The following TMEM87B variants were observed in gnomAD, a reference collection of about 807,000 sequenced individuals.
The protein encoded by TMEM87B is transmembrane protein 87B.
A neutral mutation model predicts 80.3 loss-of-function variants in TMEM87B; 83 were observed. The observed-to-expected ratio is 1.03, with a 90% CI of 0.87 to 1.24. The LOEUF is 1.24. TMEM87B is among the 50% of genes most tolerant of loss of function. The pLI, the probability that TMEM87B is intolerant of heterozygous loss-of-function variation, is 0.00. For missense variants in TMEM87B, 625 were observed against 674.4 expected, an observed-to-expected ratio of 0.93 and a Z score of 0.81; for synonymous variants, 219 against 230.5, an observed-to-expected ratio of 0.95 and a Z score of 0.45.
At chr2:112,060,381 A>C (rs62157785) in intron 2 of TMEM87B, among the ~76,000 whole-genome samples, 21,721 of 152,022 alleles carry the variant, frequency 0.14, 1,661 homozygotes, top group South Asian at 0.21. Context: ...TGAAATACTA[A>C]TATATATATA....
intron 6 of TMEM87B, among the ~76,000 whole-genome samples, chr2:112,080,438 T>G (rs1678959689): frequency 6.6e-6 from 1 of 150,552 alleles, no homozygotes; most frequent in Non-Finnish European, 1.5e-5. Flanking sequence ...TTTTTGTATT[T>G]TTAGTAGAGA....
At position 112,116,082 on chromosome 2, in the gene TMEM87B, A is replaced by C; in HGVS notation, c.1609-2A>C. On this transcript the variant is annotated splice_acceptor_variant, in intron 18 of 18. Transcript: ENST00000283206. LOFTEE classifies it high-confidence loss of function. ...ATACATATCTTCTTTTTTTTTCTTC[A>C]GGAAATCATGACCAGATCTGAAATG... 1 of 1,607,912 alleles carries C rather than the reference A, an allele frequency of 6.2e-7. No homozygotes were observed. Among genetic ancestry groups the C allele is most frequent in the Non-Finnish European group, 8.5e-7 (1 of 1,178,280 alleles).
chr2:112,065,555 G>A (rs1316146889), intron 3 of TMEM87B, among the ~76,000 whole-genome samples: 2 of 150,876 alleles, frequency 1.3e-5, no homozygotes, highest in African/African-American at 2.5e-5. Flanking sequence ...TTAGGCCGGA[G>A]GATCCCTTGA....
Position 112,074,932 on chromosome 2 carries a change from C to G in TMEM87B, c.471C>G (p.Ile157Met). The G allele has an allele frequency of 6.3e-7, 1 of 1,578,136 alleles. No individual in the cohort carries two copies. Among genetic ancestry groups the G allele is most frequent in the Non-Finnish European group, 8.6e-7 (1 of 1,158,012 alleles). Residue 157 changes from isoleucine (I) to methionine (M), a missense_variant, in exon 5 of 19, where the codon ATC becomes ATG. Coordinates refer to ENST00000283206, the MANE Select transcript of TMEM87B (RefSeq NM_032824.3). ...PSLNNKELINIRNVSNQERSM... is the reference protein window; with the variant it reads ...PSLNNKELINMRNVSNQERSM... ...TCCAGAATAAAGAACTAATAAATAT[C>G]AGAAATGTTTCAAACCAGGAAAGAT...
chr2:112,081,426 A>G lies in TMEM87B; in HGVS notation c.746A>G (p.Gln249Arg). 6.2e-7 allele frequency: 1 copy of G among 1,614,002 alleles called. No individual in the cohort carries two copies. Among genetic ancestry groups the G allele is most frequent in the Non-Finnish European group, 8.5e-7 (1 of 1,179,980 alleles). ...ACYWKDILRI[Q>R]FWIAAVIFLG... ...TATTGGAAAGATATATTAAGAATCC[A>G]GTTCTGGATTGCAGCTGTTATTTTT... Residue 249 changes from glutamine to arginine, a missense_variant, in exon 8 of 19, where the codon CAG (glutamine) becomes CGG (arginine). Coordinates refer to ENST00000283206, the MANE Select transcript of TMEM87B (RefSeq NM_032824.3).
chr2:112,101,929 A>G (rs575369333), intron 15 of TMEM87B, among the ~76,000 whole-genome samples: 27 of 152,332 alleles, frequency 1.8e-4, no homozygotes, highest in African/African-American at 6.5e-4. Context: ...TGAAAAATAC[A>G]TATAACAACC....
In TMEM87B at chr2:112,077,181, C is replaced by T. The variant is rs758075793; in HGVS notation, c.502-11C>T. On this transcript the variant is annotated splice_polypyrimidine_tract_variant and intron_variant, in intron 5 of 18. Coordinates refer to ENST00000283206, the MANE Select transcript of TMEM87B (RefSeq NM_032824.3). ...AAAAATAATGAAGAATTTTTTTCACCTCTATTTCAGGATGTTGTAGCCAGA... is the reference window on the plus strand; with the variant it reads ...AAAAATAATGAAGAATTTTTTTCACTTCTATTTCAGGATGTTGTAGCCAGA... 2 of 1,516,982 alleles carry T rather than the reference C, an allele frequency of 1.3e-6. No individual in the cohort carries two copies. Among genetic ancestry groups the T allele is most frequent in the Non-Finnish European group, 1.8e-6 (2 of 1,115,896 alleles). The allele number at this position is 1,516,982 out of a possible 1,614,324, so 94.0% of individuals were successfully genotyped here.
chr2:112,096,482 C>A (rs1396111175), intron 11 of TMEM87B, among the ~76,000 whole-genome samples: 4 of 152,188 alleles, frequency 2.6e-5, no homozygotes, highest in South Asian at 4.1e-4. Flanking sequence ...TTGCAGTAAT[C>A]CTCCCCCGTT....
chr2:112,071,439 T>C (rs1573690867), intron 4 of TMEM87B, among the ~76,000 whole-genome samples: 2 of 151,838 alleles, frequency 1.3e-5, no homozygotes, highest in South Asian at 2.1e-4. Context: ...GTAGCTGGGA[T>C]TACAGGCACC....
At chr2:112,105,915 T>C (rs559919798) in intron 15 of TMEM87B, 87 bp from the exon 16 acceptor site, 21 of 905,986 alleles carry the variant, frequency 2.3e-5, no homozygotes, top group South Asian at 1.8e-4. Flanking sequence ...TAAAAAGATA[T>C]AGTATTTTTT....
intron 6 of TMEM87B, among the ~76,000 whole-genome samples, chr2:112,077,486 C>T (rs1443989663): frequency 1.3e-5 from 2 of 152,000 alleles, no homozygotes; most frequent in Non-Finnish European, 2.9e-5. Flanking sequence ...TAAAATTTTA[C>T]TGTGTTAAGA....
Position 112,116,805 on chromosome 2 carries a change from C to G in TMEM87B, c.*662C>G, listed in dbSNP as rs1157686758. 6.7e-6 allele frequency: 1 copy of G among 150,188 alleles called. No homozygotes were observed. The highest frequency in any genetic ancestry group is 1.5e-5 in the Non-Finnish European group (1 of 67,666). 9.3% of individuals were successfully genotyped at this position (150,188 alleles called of 1,614,324 possible). A position where few individuals can be genotyped will look rare whatever the true frequency, so the allele number is the denominator to read the frequency against. ...CTGAGCTCAGGGGAACACAAGTGCA[C>G]AGAGAGAGATGTCTTGAGGGTCACT... is the stretch of plus-strand genomic sequence containing the variant. On this transcript the variant is annotated 3_prime_UTR_variant, in exon 19 of 19. Transcript: ENST00000283206.
chr2:112,089,890 G>C (rs932658101), intron 10 of TMEM87B, among the ~76,000 whole-genome samples, 172 bp downstream of exon 10: 1 of 152,220 alleles, frequency 6.6e-6, no homozygotes, highest in South Asian at 2.1e-4. Context: ...GCAAAGGCTA[G>C]ACAGAGTGCT....
chr2:112,112,980 G>T, intron 18 of TMEM87B, 51 bp downstream of exon 18: 1 of 1,534,138 alleles, frequency 6.5e-7, no homozygotes, highest in Non-Finnish European at 9.0e-7. Flanking sequence ...TCACAAAGTA[G>T]AGATGTATTT....
intron 15 of TMEM87B, among the ~76,000 whole-genome samples, chr2:112,103,314 G>A (rs1425903791): frequency 1.3e-5 from 2 of 152,114 alleles, no homozygotes; most frequent in East Asian, 3.8e-4. Flanking sequence ...AGTAAATGTA[G>A]AGATAGAACC....
intron 6 of TMEM87B, among the ~76,000 whole-genome samples, chr2:112,079,294 A>G (rs1403573145): frequency 6.6e-6 from 1 of 152,100 alleles, no homozygotes; most frequent in African/African-American, 2.4e-5. Context: ...CAGCCTCTGT[A>G]CCCACCATTC....
intron 6 of TMEM87B, among the ~76,000 whole-genome samples, chr2:112,077,586 T>C (rs1415473222): frequency 1.3e-5 from 2 of 152,242 alleles, no homozygotes; most frequent in Admixed American, 1.3e-4. Context: ...TAGAAATGTG[T>C]AGGCAACTTT....
At chr2:112,062,768 G>A (rs1317990026) in intron 2 of TMEM87B, among the ~76,000 whole-genome samples, 2 of 152,030 alleles carry the variant, frequency 1.3e-5, no homozygotes, top group African/African-American at 4.8e-5. Context: ...TTTTGTCTAG[G>A]GCAAACTTAA....
At chr2:112,070,494 C>T (rs764572978) in intron 4 of TMEM87B, among the ~76,000 whole-genome samples, 28 of 152,072 alleles carry the variant, frequency 1.8e-4, no homozygotes, top group Admixed American at 3.9e-4. Flanking sequence ...TACGTGTGCT[C>T]CGATATTTCT....
Sources: allele counts gnomAD v4.1 joint callset (sites outside exome capture counted in the v4.1 genomes callset), GRCh38; gene constraint gnomAD v4.1.1; transcripts MANE v1.5; gene names NCBI Gene and HGNC (gene_info 2026-07-23, HGNC 2026-07-21).